NAALAD2: variants seen among roughly 807,000 people sequenced by gnomAD.
NAALAD2 encodes the protein N-acetylated alpha-linked acidic dipeptidase 2, also known as N-acetylated-alpha-linked acidic dipeptidase 2.
In NAALAD2, 89 loss-of-function variants were observed where a neutral mutation model predicts 95.6. The observed-to-expected ratio is 0.93, with a 90% CI of 0.78 to 1.11. NAALAD2 has a LOEUF of 1.11. Ranked by LOEUF, NAALAD2 falls within the 50% of genes least tolerant of loss-of-function variation. NAALAD2 has a pLI of 0.00. For missense variants in NAALAD2, 894 were observed against 872.4 expected, an observed-to-expected ratio of 1.02 and a Z score of -0.31; for synonymous variants, 264 against 294.4, an observed-to-expected ratio of 0.90 and a Z score of 1.06.
intron 1 of NAALAD2, chr11:90,135,228 A>G (rs1951424682): frequency 6.8e-6 from 2 of 295,114 alleles, no homozygotes; most frequent in Admixed American, 4.7e-5. Context: ...CCTGCTCTAT[A>G]CGTAAATAAA....
chr11:90,173,231 CTG>C (rs1952691147), intron 13 of NAALAD2, among the ~76,000 whole-genome samples: 1 of 151,932 alleles, frequency 6.6e-6, no homozygotes, highest in Non-Finnish European at 1.5e-5. Context: ...AAGTAGAAAT[CTG>C]AGGTTATGTA....
chr11:90,155,794 T>C (rs1376990312), intron 6 of NAALAD2, among the ~76,000 whole-genome samples: 1 of 136,134 alleles, frequency 7.3e-6, no homozygotes, highest in Non-Finnish European at 1.5e-5. Context: ...ATTACATACA[T>C]ATTACACATA....
intron 11 of NAALAD2, among the ~76,000 whole-genome samples, chr11:90,167,243 G>A (rs927766781): frequency 6.6e-6 from 1 of 152,206 alleles, no homozygotes; most frequent in African/African-American, 2.4e-5. Flanking sequence ...CCCAGCGAGA[G>A]TTCCGGGTGG....
rs576214823 is a variant in NAALAD2, at chr11:90,189,710, AG to A, written c.2034-1847del. Among the ~76,000 whole-genome samples the A allele has an allele frequency of 1.0e-3, 154 of 152,000 alleles. 1 individual carries two copies. Among genetic ancestry groups the A allele is most frequent in the Non-Finnish European group, 1.4e-3 (93 of 67,996 alleles). ...CTTGAGCCCAGGAGGTGGAGGTTGC[AG>A]TGAGCCGAGATCATGCCACTGCACT... On this transcript the variant is annotated intron_variant, in intron 18 of 18. Coordinates refer to ENST00000534061, the MANE Select transcript of NAALAD2 (RefSeq NM_005467.4).
intron 17 of NAALAD2, among the ~76,000 whole-genome samples, chr11:90,182,258 C>T (rs1050224547): frequency 2.0e-5 from 3 of 152,068 alleles, no homozygotes; most frequent in African/African-American, 4.8e-5. Context: ...TACCATGTAA[C>T]AAGCATAAAT....
chr11:90,154,400 T>C (rs887424046), intron 6 of NAALAD2, among the ~76,000 whole-genome samples: 5 of 151,976 alleles, frequency 3.3e-5, no homozygotes, highest in African/African-American at 1.2e-4. Context: ...CACATAGAGA[T>C]GATCATATGT....
chr11:90,166,386 C>T (rs1952448013), intron 11 of NAALAD2, among the ~76,000 whole-genome samples: 1 of 152,028 alleles, frequency 6.6e-6, no homozygotes, highest in African/African-American at 2.4e-5. Flanking sequence ...TTTTTGTCTT[C>T]CTTTTTTCTT....
chr11:90,189,776 A>G (rs1325291382), intron 18 of NAALAD2, among the ~76,000 whole-genome samples: 1 of 151,968 alleles, frequency 6.6e-6, no homozygotes, highest in African/African-American at 2.4e-5. Context: ...TCTCAAAAAA[A>G]AAAAAGAAAT....
chr11:90,158,318 T>A lies in NAALAD2; in HGVS notation c.890+80T>A, dbSNP rs747188075. On this transcript the variant is annotated intron_variant, in intron 7 of 18. Coordinates refer to ENST00000534061, the MANE Select transcript of NAALAD2 (RefSeq NM_005467.4). ...TTCTCATTGAAAACCAATATGGCAT[T>A]CTTATGTTAAACACAAAGTTTTATA... 8 of 1,000,064 alleles carry A rather than the reference T, an allele frequency of 8.0e-6. No homozygotes were observed. In the South Asian group the frequency reaches 1.1e-4, roughly 14 times the overall value. 61.9% of individuals were successfully genotyped at this position (1,000,064 alleles called of 1,614,324 possible). A position where few individuals can be genotyped will look rare whatever the true frequency, so the allele number is the denominator to read the frequency against.
intron 2 of NAALAD2, among the ~76,000 whole-genome samples, chr11:90,142,503 T>G (rs914988993): frequency 3.3e-5 from 5 of 152,204 alleles, no homozygotes; most frequent in African/African-American, 4.8e-5. Flanking sequence ...ATACGATGTC[T>G]TCTTCCATCT....
At chr11:90,159,953 T>TAAAAAA in intron 8 of NAALAD2, among the ~76,000 whole-genome samples, 1 of 75,432 alleles carries the variant, frequency 1.3e-5, no homozygotes, top group Non-Finnish European at 2.6e-5. Flanking sequence ...AAACTCCATC[T>TAAAAAA]AAAAAAAAAA....
chr11:90,166,235 C>T (rs1952438580), intron 11 of NAALAD2, among the ~76,000 whole-genome samples: 1 of 149,624 alleles, frequency 6.7e-6, no homozygotes, highest in South Asian at 2.2e-4. Flanking sequence ...AGGGCTCTCT[C>T]AGCATGTTCC....
chr11:90,143,470 C>T (rs969009219), intron 2 of NAALAD2, among the ~76,000 whole-genome samples: 6 of 152,068 alleles, frequency 3.9e-5, no homozygotes, highest in Non-Finnish European at 7.4e-5. Flanking sequence ...AATCATGTAA[C>T]GTCTTATTTT....
intron 17 of NAALAD2, 111 bp downstream of exon 17, chr11:90,181,812 T>C: frequency 1.4e-6 from 1 of 700,904 alleles, no homozygotes; most frequent in Non-Finnish European, 2.3e-6. Context: ...ACTATTCAAA[T>C]TATAGTCTGC....
chr11:90,185,212 C>T (rs1190918702), intron 18 of NAALAD2, among the ~76,000 whole-genome samples: 3 of 151,506 alleles, frequency 2.0e-5, no homozygotes, highest in Non-Finnish European at 4.4e-5. Flanking sequence ...AAAGTGTACA[C>T]ACACAATATA....
intron 6 of NAALAD2, among the ~76,000 whole-genome samples, chr11:90,157,483 C>T (rs1952149123): frequency 6.6e-6 from 1 of 151,242 alleles, no homozygotes; most frequent in Non-Finnish European, 1.5e-5. Flanking sequence ...TGTTTTTTTT[C>T]CAATTATTTA....
At chr11:90,154,030 CCTCTCTCTCT>C (rs57531442) in intron 6 of NAALAD2, among the ~76,000 whole-genome samples, 4 of 149,316 alleles carry the variant, frequency 2.7e-5, no homozygotes, top group East Asian at 3.9e-4. Context: ...GCCCTTCCTT[CCTCTCTCTCT>C]CTCTCTCTCT....
At chr11:90,177,588 T>TTTG in intron 15 of NAALAD2, among the ~76,000 whole-genome samples, 4 of 26,672 alleles carry the variant, frequency 1.5e-4, no homozygotes, top group African/African-American at 3.3e-4. Context: ...TTTTTCTTGT[T>TTTG]TTTTTTTTTT....
intron 16 of NAALAD2, among the ~76,000 whole-genome samples, chr11:90,180,468 A>G (rs763297641): frequency 4.6e-5 from 7 of 152,236 alleles, no homozygotes; most frequent in Non-Finnish European, 1.0e-4. Flanking sequence ...CTTATACTGA[A>G]TGTACCACTT....
Sources: gnomAD v4.1 joint callset for allele counts (sites outside exome capture counted in the v4.1 genomes callset) on GRCh38, gnomAD v4.1.1 for gene constraint, MANE v1.5 for transcripts, NCBI Gene and HGNC (gene_info 2026-07-23, HGNC 2026-07-21) for gene names.